SNAP91: variants seen among roughly 807,000 people sequenced by gnomAD.
The protein encoded by SNAP91 is clathrin coat assembly protein AP180.
SNAP91 carries 27 observed loss-of-function variants against 100.3 expected under a neutral mutation model. The ratio of observed to expected loss-of-function variants is 0.27; its 90% CI spans 0.20 to 0.37. SNAP91 has a LOEUF of 0.37. Among genes scored for constraint, SNAP91 ranks in the 10% least tolerant of loss-of-function variants. The probability of loss-of-function intolerance (pLI) is 1.00; values close to 1 mark genes in which losing one functional copy is unlikely to be tolerated. For synonymous variants in SNAP91, 404 were observed against 398.6 expected (o/e 1.01, Z -0.16); for missense variants, 986 against 1,123.7 (o/e 0.88, Z 1.75).
At chr6:83,569,277 T>C (rs1392316475) in intron 26 of SNAP91, among the ~76,000 whole-genome samples, 1 of 152,212 alleles carries the variant, frequency 6.6e-6, no homozygotes, top group African/African-American at 2.4e-5. Flanking sequence ...GTGGATACTT[T>C]ATGCTAAAAC....
At chr6:83,557,515 A>T (rs1192774815) in intron 28 of SNAP91, among the ~76,000 whole-genome samples, 4 of 142,268 alleles carry the variant, frequency 2.8e-5, no homozygotes, top group Non-Finnish European at 6.1e-5. Flanking sequence ...AAAAAATAAT[A>T]AAAAAAAAAA....
At chr6:83,629,966 A>G (rs957746186) in intron 8 of SNAP91, among the ~76,000 whole-genome samples, 2 of 152,020 alleles carry the variant, frequency 1.3e-5, no homozygotes, top group Non-Finnish European at 2.9e-5. Flanking sequence ...TTCCCCATTC[A>G]GTATTATGCT....
chr6:83,702,505 C>T (rs1000803613), intron 2 of SNAP91, among the ~76,000 whole-genome samples: 1 of 152,040 alleles, frequency 6.6e-6, no homozygotes, highest in African/African-American at 2.4e-5. Context: ...ACTAATGTGG[C>T]AATATATCAA....
rs567733471 is a variant in SNAP91 at position 83,698,094 on chromosome 6, A to G, written c.130+9704T>C. 3.9e-5 allele frequency among the ~76,000 whole-genome samples: 6 copies of G among 152,278 alleles called. No homozygotes were observed. In the South Asian group the frequency reaches 1.2e-3, roughly 32 times the overall value. On this transcript the variant is annotated intron_variant, in intron 2 of 29. Coordinates refer to ENST00000369694, the MANE Select transcript of SNAP91 (RefSeq NM_001242792.2). The stretch of plus-strand genomic sequence containing the variant: ...TTAAAAACAGCACATGCAAAGGCCC[A>G]AAAGTAATGCAGAATATAGTGAATC...
chr6:83,675,011 C>T (rs2098841030), intron 2 of SNAP91, among the ~76,000 whole-genome samples: 1 of 152,100 alleles, frequency 6.6e-6, no homozygotes, highest in African/African-American at 2.4e-5. Context: ...ATGAAACGAC[C>T]TACTGACGGT....
intron 8 of SNAP91, among the ~76,000 whole-genome samples, chr6:83,636,356 A>G (rs1008180388): frequency 2.0e-5 from 3 of 152,012 alleles, no homozygotes; most frequent in Admixed American, 6.6e-5. Context: ...GGTTTTGTTC[A>G]TTTTGTAAAA....
chr6:83,643,725 A>C (rs2097800398), intron 7 of SNAP91, among the ~76,000 whole-genome samples: 1 of 152,232 alleles, frequency 6.6e-6, no homozygotes, highest in African/African-American at 2.4e-5. Context: ...TATCAAGAGC[A>C]GTTACACTTC....
At chr6:83,590,827 G>A (rs769490418) in intron 22 of SNAP91, among the ~76,000 whole-genome samples, 18 of 152,168 alleles carry the variant, frequency 1.2e-4, no homozygotes, top group Non-Finnish European at 2.5e-4. Context: ...AGCCACAAAG[G>A]TGGCTTGTAT....
intron 2 of SNAP91, among the ~76,000 whole-genome samples, chr6:83,698,438 C>T (rs1411825832): frequency 1.3e-5 from 2 of 151,920 alleles, no homozygotes; most frequent in African/African-American, 4.8e-5. Context: ...GTCTTAGATT[C>T]TAGCAGCCCT....
chr6:83,585,611 T>C lies in SNAP91; in HGVS notation c.2015-3255A>G, dbSNP rs527970953. Among the ~76,000 whole-genome samples, 82 of 151,924 alleles carry C rather than the reference T, an allele frequency of 5.4e-4. 1 individual carries two copies. Among genetic ancestry groups the C allele is most frequent in the Admixed American group, 3.9e-3 (60 of 15,250 alleles). On this transcript the variant is annotated intron_variant, in intron 22 of 29. Transcript: ENST00000369694. Reference sequence around the variant, plus strand: ...GCTTTTGTGCATCCTGTAATCATATTTGAACTGTCCTACACTATAACTGAA... The same window carrying C: ...GCTTTTGTGCATCCTGTAATCATATCTGAACTGTCCTACACTATAACTGAA...
intron 8 of SNAP91, among the ~76,000 whole-genome samples, chr6:83,626,957 C>G (rs1247760666): frequency 6.6e-6 from 1 of 151,910 alleles, no homozygotes; most frequent in Admixed American, 6.6e-5. Flanking sequence ...ATGCTTCCAC[C>G]TTTTGCTCAT....
chr6:83,558,626 A>G (rs1782446823), intron 28 of SNAP91, among the ~76,000 whole-genome samples: 1 of 152,244 alleles, frequency 6.6e-6, no homozygotes, highest in Non-Finnish European at 1.5e-5. Flanking sequence ...AAGGAAGCAA[A>G]AGGGATTAAA....
intron 2 of SNAP91, among the ~76,000 whole-genome samples, chr6:83,683,391 C>T (rs1362934048): frequency 6.6e-6 from 1 of 152,118 alleles, no homozygotes; most frequent in East Asian, 1.9e-4. Context: ...GTGGATCACT[C>T]GTGAATGGTT....
At chr6:83,564,469 C>CCT (rs1327174063) in intron 26 of SNAP91, among the ~76,000 whole-genome samples, 1 of 151,674 alleles carries the variant, frequency 6.6e-6, no homozygotes, top group Admixed American at 6.6e-5. Context: ...ATCAAGCAAT[C>CCT]CTCTAATTTC....
intron 6 of SNAP91, 40 bp downstream of exon 6, chr6:83,658,959 C>T (rs1401095722): frequency 1.4e-6 from 2 of 1,440,032 alleles, no homozygotes; most frequent in South Asian, 1.2e-5. Flanking sequence ...TGAAAGACAA[C>T]ATTGATTGTG....
chr6:83,676,829 T>A (rs2098913275), intron 2 of SNAP91, among the ~76,000 whole-genome samples: 1 of 152,130 alleles, frequency 6.6e-6, no homozygotes, highest in African/African-American at 2.4e-5. Flanking sequence ...ATTTTAATAG[T>A]TCAGGTGAGT....
intron 5 of SNAP91, among the ~76,000 whole-genome samples, chr6:83,659,634 G>T (rs1164336091): frequency 4.0e-5 from 6 of 151,858 alleles, no homozygotes; most frequent in Non-Finnish European, 1.5e-5. Flanking sequence ...GTCTCACTAT[G>T]TTGCCCAGGC....
chr6:83,640,353 T>A (rs1289572685), intron 8 of SNAP91, among the ~76,000 whole-genome samples: 1 of 152,204 alleles, frequency 6.6e-6, no homozygotes, highest in Non-Finnish European at 1.5e-5. Flanking sequence ...GGTTTGCTGC[T>A]GAGCCTTAGA....
intron 22 of SNAP91, among the ~76,000 whole-genome samples, chr6:83,583,994 G>A (rs1205389641): frequency 6.6e-6 from 1 of 152,136 alleles, no homozygotes; most frequent in East Asian, 1.9e-4. Flanking sequence ...AATGGCATAA[G>A]TATCATATAA....
Sources: gnomAD v4.1 joint callset for allele counts (sites outside exome capture counted in the v4.1 genomes callset) on GRCh38, gnomAD v4.1.1 for gene constraint, MANE v1.5 for transcripts, NCBI Gene and HGNC (gene_info 2026-07-23, HGNC 2026-07-21) for gene names.